EHMT1: variants seen among roughly 807,000 people sequenced by gnomAD.
EHMT1 encodes euchromatic histone lysine methyltransferase 1.
Under a neutral mutation model 147.2 loss-of-function variants are expected in EHMT1, and 15 were observed. The ratio of observed to expected loss-of-function variants is 0.10; its 90% CI spans 0.07 to 0.16. The LOEUF is 0.16. Among genes scored for constraint, EHMT1 ranks in the 10% least tolerant of loss-of-function variants. EHMT1 has a pLI of 1.00. For missense variants in EHMT1, 1,587 were observed against 1,772.4 expected, an observed-to-expected ratio of 0.90 and a Z score of 1.88; for synonymous variants, 795 against 709.6, an observed-to-expected ratio of 1.12 and a Z score of -1.91.
At chr9:137,768,010 G>C (rs1950322490) in intron 10 of EHMT1, among the ~76,000 whole-genome samples, 1 of 152,114 alleles carries the variant, frequency 6.6e-6, no homozygotes, top group South Asian at 2.1e-4. Flanking sequence ...TTGTATTACA[G>C]CTGCCTACAG....
At chr9:137,767,799 C>G (rs1163086019) in intron 10 of EHMT1, among the ~76,000 whole-genome samples, 1 of 151,994 alleles carries the variant, frequency 6.6e-6, no homozygotes, top group African/African-American at 2.4e-5. Flanking sequence ...GGCGACAGAG[C>G]AAGACTCCAT....
intron 1 of EHMT1, among the ~76,000 whole-genome samples, chr9:137,661,486 C>CTTTTTT (rs1195276514): frequency 1.5e-5 from 2 of 133,940 alleles, no homozygotes; most frequent in Admixed American, 7.5e-5. Context: ...TTTTGTACAT[C>CTTTTTT]TTTTTTTTTT....
At chr9:137,811,733 C>A in intron 19 of EHMT1, 118 bp downstream of exon 19, 2 of 1,368,532 alleles carry the variant, frequency 1.5e-6, no homozygotes, top group Non-Finnish European at 2.0e-6. Context: ...GCCCTCTGTT[C>A]CTTCGTGTGG....
intron 10 of EHMT1, among the ~76,000 whole-genome samples, chr9:137,769,603 C>T (rs757149452): frequency 2.6e-5 from 4 of 151,978 alleles, no homozygotes; most frequent in Non-Finnish European, 5.9e-5. Context: ...CTGAACTTGC[C>T]TCTGTTCCTT....
At chr9:137,641,462 C>G in intron 1 of EHMT1, 8 of 504,658 alleles carry the variant, frequency 1.6e-5, no homozygotes, top group South Asian at 1.2e-4. Context: ...CATCCTCCTC[C>G]CAAGCAGTGC....
Position 137,787,568 on chromosome 9 carries a change from C to T in EHMT1, c.2383-3280C>T, listed in dbSNP as rs936849655. ...CCAGCAAGGCTGCTGCCTGGTGTTT[C>T]GAGGCTGCTGTGGTCGCAGACAACC... On this transcript the variant is annotated intron_variant, in intron 15 of 26. Coordinates refer to ENST00000460843, the MANE Select transcript of EHMT1 (RefSeq NM_024757.5). This position sits in a 1 kb window ranked among gnomAD's most constrained non-coding sequence, Gnocchi z 4.2. The T allele has an allele frequency of 2.9e-5, 13 of 452,352 alleles. No individual in the cohort carries two copies. The highest frequency in any genetic ancestry group is 2.2e-4 in the African/African-American group (11 of 50,082). The allele number at this position is 452,352 out of a possible 1,614,324, so 28.0% of individuals were successfully genotyped here.
At chr9:137,689,096 T>C (rs1465254191) in intron 1 of EHMT1, among the ~76,000 whole-genome samples, 1 of 152,206 alleles carries the variant, frequency 6.6e-6, no homozygotes, top group African/African-American at 2.4e-5. Context: ...GAGTGACTGA[T>C]TGTGACTACT....
intron 10 of EHMT1, among the ~76,000 whole-genome samples, chr9:137,768,347 GTTTTTTTT>G (rs768762232): frequency 5.2e-4 from 48 of 92,520 alleles, no homozygotes; most frequent in African/African-American, 1.7e-3. Context: ...TTTTCTGTGT[GTTTTTTTT>G]TTTTTTTTTT....
chr9:137,708,437 T>G (rs569459906), intron 1 of EHMT1, among the ~76,000 whole-genome samples: 1 of 152,260 alleles, frequency 6.6e-6, no homozygotes, highest in South Asian at 2.1e-4. Flanking sequence ...CTTGGATGCA[T>G]CTTTGTCCCA....
intron 1 of EHMT1, among the ~76,000 whole-genome samples, chr9:137,627,361 C>T (rs1346720224): frequency 6.7e-6 from 1 of 150,082 alleles, no homozygotes; most frequent in African/African-American, 2.5e-5. Context: ...CTCCCGGGTT[C>T]AAACGATTCT....
chr9:137,687,697 C>A (rs1424726093), intron 1 of EHMT1, among the ~76,000 whole-genome samples: 1 of 152,194 alleles, frequency 6.6e-6, no homozygotes, highest in Non-Finnish European at 1.5e-5. Context: ...AAGAAGATGG[C>A]AGGCCATGAG....
At chr9:137,629,594 T>C (rs1385281579) in intron 1 of EHMT1, among the ~76,000 whole-genome samples, 5 of 152,052 alleles carry the variant, frequency 3.3e-5, no homozygotes, top group Admixed American at 3.3e-4. Flanking sequence ...AGGGTTTCAC[T>C]GTGTTAGCCA....
intron 13 of EHMT1, 54 bp downstream of exon 13, chr9:137,778,109 C>A (rs934304882): frequency 1.9e-6 from 3 of 1,608,960 alleles, no homozygotes; most frequent in Non-Finnish European, 2.5e-6. Context: ...TTAATCTGCA[C>A]CCCGCGTTTT....
At chr9:137,816,170 A>G (rs1235483199) in intron 23 of EHMT1, 108 bp downstream of exon 23, 44 of 986,772 alleles carry the variant, frequency 4.5e-5, no homozygotes, top group Non-Finnish European at 5.8e-5. Flanking sequence ...ATGCACGCAC[A>G]TGTGTGTTTG....
chr9:137,701,352 C>T (rs922191694), intron 1 of EHMT1, among the ~76,000 whole-genome samples: 2 of 151,380 alleles, frequency 1.3e-5, no homozygotes, highest in Non-Finnish European at 2.9e-5. Flanking sequence ...GATGCGATCT[C>T]AGCTCACTGC....
intron 1 of EHMT1, among the ~76,000 whole-genome samples, chr9:137,656,907 AT>A (rs1564547416): frequency 6.6e-6 from 1 of 151,024 alleles, no homozygotes; most frequent in Non-Finnish European, 1.5e-5. Context: ...CGCCTGGGTC[AT>A]TTTTGTATTT....
At chr9:137,629,425 G>A (rs546227013) in intron 1 of EHMT1, among the ~76,000 whole-genome samples, 1 of 145,766 alleles carries the variant, frequency 6.9e-6, no homozygotes, top group African/African-American at 2.6e-5. Flanking sequence ...ATGGAGTCTC[G>A]CTCTGTTGCC....
intron 17 of EHMT1, among the ~76,000 whole-genome samples, chr9:137,799,651 C>T (rs1422260298): frequency 6.6e-6 from 1 of 152,230 alleles, no homozygotes. Context: ...GTGCCATCCT[C>T]ACGCTCGCTC....
chr9:137,713,263 ATTTTTTTT>A (rs59459382), intron 2 of EHMT1, among the ~76,000 whole-genome samples: 14,093 of 102,498 alleles, frequency 0.14, 2,437 homozygotes, highest in African/African-American at 0.42. Context: ...CACCATGCTA[ATTTTTTTT>A]TTTTTTTTTT....
Sources: allele counts gnomAD v4.1 joint callset (sites outside exome capture counted in the v4.1 genomes callset), GRCh38; gene constraint gnomAD v4.1.1; non-coding constraint Gnocchi (gnomAD v3.1); transcripts MANE v1.5; gene names NCBI Gene and HGNC (gene_info 2026-07-23, HGNC 2026-07-21).